Variants in PTPRK observed in about 807,000 individuals in gnomAD.
PTPRK encodes receptor-type tyrosine-protein phosphatase kappa.
PTPRK carries 75 observed loss-of-function variants against 178.0 expected under a neutral mutation model. That is an observed-to-expected ratio of 0.42 (90% confidence interval 0.35 to 0.51). The LOEUF (loss-of-function observed/expected upper bound fraction) is 0.51, where lower values mean the gene tolerates loss of function less well. PTPRK is among the 20% of genes least tolerant of loss of function. PTPRK has a pLI of 0.02. For missense variants in PTPRK, 1,441 were observed against 1,797.8 expected, an observed-to-expected ratio of 0.80 and a Z score of 3.59; for synonymous variants, 637 against 620.6, an observed-to-expected ratio of 1.03 and a Z score of -0.39.
At chr6:128,006,428 T>C (rs922446988) in intron 14 of PTPRK, among the ~76,000 whole-genome samples, 1 of 150,968 alleles carries the variant, frequency 6.6e-6, no homozygotes, top group Non-Finnish European at 1.5e-5. Flanking sequence ...ATAGAACTTG[T>C]GTACTATATA....
chr6:128,405,021 C>T (rs1841488931), intron 1 of PTPRK, among the ~76,000 whole-genome samples: 2 of 152,168 alleles, frequency 1.3e-5, no homozygotes, highest in African/African-American at 4.8e-5. Flanking sequence ...CATGATGATG[C>T]TGCATCCTAT....
At chr6:128,113,930 A>G (rs1016415604) in intron 7 of PTPRK, among the ~76,000 whole-genome samples, 1 of 152,132 alleles carries the variant, frequency 6.6e-6, no homozygotes, top group Non-Finnish European at 1.5e-5. Context: ...ACAGTGTTTG[A>G]GTAAAACTGT....
chr6:128,310,720 G>A (rs1436764687), intron 3 of PTPRK, among the ~76,000 whole-genome samples: 1 of 152,186 alleles, frequency 6.6e-6, no homozygotes, highest in African/African-American at 2.4e-5. Flanking sequence ...TGTATGCTGA[G>A]TGAATGCCAT....
intron 1 of PTPRK, chr6:128,518,916 A>G (rs1858505468): frequency 2.2e-6 from 1 of 458,072 alleles, no homozygotes; most frequent in Admixed American, 2.6e-5. Flanking sequence ...GAAGGGAAAT[A>G]AACGATTACT....
chr6:128,506,132 G>A (rs1421742275), intron 1 of PTPRK, among the ~76,000 whole-genome samples: 1 of 152,082 alleles, frequency 6.6e-6, no homozygotes, highest in Non-Finnish European at 1.5e-5. Context: ...TAACCATTGG[G>A]GAAACAATAT....
intron 13 of PTPRK, among the ~76,000 whole-genome samples, chr6:128,034,548 T>A (rs1216880097): frequency 6.6e-6 from 1 of 152,136 alleles, no homozygotes. Context: ...TAGGGACTGA[T>A]ACAGGGGGAA....
At chr6:128,350,660 T>C (rs1242286942) in intron 2 of PTPRK, among the ~76,000 whole-genome samples, 2 of 152,226 alleles carry the variant, frequency 1.3e-5, no homozygotes, top group Non-Finnish European at 2.9e-5. Flanking sequence ...AATTGGTATT[T>C]CTAGTTACTC....
chr6:128,252,723 C>A (rs1027671866), intron 3 of PTPRK, among the ~76,000 whole-genome samples: 1 of 152,170 alleles, frequency 6.6e-6, no homozygotes, highest in Admixed American at 6.5e-5. Flanking sequence ...TTCCCAGCAG[C>A]AGAGCCCCAA....
chr6:128,257,602 A>G (rs2128292135), intron 3 of PTPRK, among the ~76,000 whole-genome samples: 1 of 152,304 alleles, frequency 6.6e-6, no homozygotes, highest in South Asian at 2.1e-4. Flanking sequence ...GAGATCAAAC[A>G]CATTATATAT....
chr6:128,085,239 A>T (rs1350957867), intron 8 of PTPRK: 1 of 152,256 alleles, frequency 6.6e-6, no homozygotes, highest in Non-Finnish European at 1.5e-5. Flanking sequence ...AACTGAATGC[A>T]TCCGCTCTCT....
intron 1 of PTPRK, among the ~76,000 whole-genome samples, chr6:128,418,933 T>A: frequency 6.6e-6 from 1 of 152,178 alleles, no homozygotes; most frequent in Non-Finnish European, 1.5e-5. Flanking sequence ...TGTAAAGCAC[T>A]CTATTGTGTC....
chr6:127,972,649 A>G (rs1178122364), intron 29 of PTPRK, among the ~76,000 whole-genome samples: 3 of 152,228 alleles, frequency 2.0e-5, no homozygotes, highest in Non-Finnish European at 4.4e-5. Flanking sequence ...TTTTAAAAAT[A>G]CTGGGTGTCT....
chr6:128,313,452 G>A (rs559459384), intron 3 of PTPRK, among the ~76,000 whole-genome samples: 1 of 152,274 alleles, frequency 6.6e-6, no homozygotes, highest in Admixed American at 6.5e-5. Flanking sequence ...CCAAGGAGAA[G>A]GGAGAGACCA....
At chr6:128,025,284 A>G (rs1487870757) in intron 13 of PTPRK, among the ~76,000 whole-genome samples, 1 of 152,226 alleles carries the variant, frequency 6.6e-6, no homozygotes, top group Non-Finnish European at 1.5e-5. Context: ...TCTGGCTCAG[A>G]CAGATTGTTT....
At chr6:128,361,459 A>G (rs566642018) in intron 2 of PTPRK, among the ~76,000 whole-genome samples, 2 of 152,332 alleles carry the variant, frequency 1.3e-5, no homozygotes, top group African/African-American at 4.8e-5. Context: ...GTTAATACAA[A>G]TAAATGCATA....
intron 6 of PTPRK, among the ~76,000 whole-genome samples, chr6:128,200,653 T>G: frequency 6.6e-6 from 1 of 151,584 alleles, no homozygotes; most frequent in Admixed American, 6.6e-5. Flanking sequence ...ATTGCTTGTA[T>G]CTGGGAGGCT....
chr6:128,325,574 C>T (rs1480944693), intron 2 of PTPRK, among the ~76,000 whole-genome samples: 12 of 152,122 alleles, frequency 7.9e-5, no homozygotes, highest in Admixed American at 7.9e-4. Context: ...AAAAAAAGGT[C>T]ATCATCACTG....
At chr6:127,996,340 C>T (rs1777148714) in intron 17 of PTPRK, among the ~76,000 whole-genome samples, 1 of 152,016 alleles carries the variant, frequency 6.6e-6, no homozygotes, top group Non-Finnish European at 1.5e-5. Flanking sequence ...TTCAGTAATA[C>T]CCCATGCATT....
In PTPRK at chr6:128,105,050, G is replaced by A. The variant is rs1369643191; in HGVS notation, c.1163-15058C>T. Among the ~76,000 whole-genome samples, 6 of 151,342 alleles carry A rather than the reference G, an allele frequency of 4.0e-5. No homozygotes were observed. In the East Asian group the frequency reaches 9.6e-4, roughly 24 times the overall value. On this transcript the variant is annotated intron_variant, in intron 7 of 29. Transcript: ENST00000368226. Reference sequence around the variant, plus strand: ...TTTTAATTGCCTTTTATTGTTTCTTGATCTTTCAAATACTTCTCTTGTTTT... The same window carrying A: ...TTTTAATTGCCTTTTATTGTTTCTTAATCTTTCAAATACTTCTCTTGTTTT...
Sources: gnomAD v4.1 joint callset for allele counts (sites outside exome capture counted in the v4.1 genomes callset) on GRCh38, gnomAD v4.1.1 for gene constraint, MANE v1.5 for transcripts, NCBI Gene and HGNC (gene_info 2026-07-23, HGNC 2026-07-21) for gene names.